Variants in ASTN1 observed in about 807,000 individuals in gnomAD.
The protein encoded by ASTN1 is astrotactin 1.
Under a neutral mutation model 140.7 loss-of-function variants are expected in ASTN1, and 41 were observed. The observed-to-expected ratio is 0.29, with a 90% CI of 0.23 to 0.38. The LOEUF is 0.38. Ranked by LOEUF, ASTN1 falls within the 10% of genes least tolerant of loss-of-function variation. The pLI is 1.00. For synonymous variants in ASTN1, 640 were observed against 652.2 expected, an observed-to-expected ratio of 0.98 and a Z score of 0.29; for missense variants, 1,479 against 1,678.8, an observed-to-expected ratio of 0.88 and a Z score of 2.08.
chr1:177,108,646 C>A (rs1680668418), intron 1 of ASTN1, among the ~76,000 whole-genome samples: 1 of 152,064 alleles, frequency 6.6e-6, no homozygotes, highest in South Asian at 2.1e-4. Flanking sequence ...GTTGCTTCCA[C>A]CTTTTGGTTA....
intron 16 of ASTN1, among the ~76,000 whole-genome samples, chr1:176,916,114 T>A (rs1373165174): frequency 6.6e-6 from 1 of 152,188 alleles, no homozygotes; most frequent in Non-Finnish European, 1.5e-5. Context: ...TGACCCTTTC[T>A]CTTGTGCTAG....
chr1:177,144,323 G>A (rs1268495630), intron 1 of ASTN1, among the ~76,000 whole-genome samples: 1 of 151,086 alleles, frequency 6.6e-6, no homozygotes, highest in African/African-American at 2.4e-5. Context: ...CGCGATCTCG[G>A]CTCACTGCAA....
chr1:176,862,829 T>C lies in ASTN1; in HGVS notation c.*1455A>G. The C allele has an allele frequency of 2.0e-6, 2 of 985,428 alleles. No homozygotes were observed. Among genetic ancestry groups the C allele is most frequent in the Non-Finnish European group, 2.4e-6 (2 of 829,906 alleles). The allele number at this position is 985,428 out of a possible 1,614,324, so 61.0% of individuals were successfully genotyped here. A position where few individuals can be genotyped will look rare whatever the true frequency, so the allele number is the denominator to read the frequency against. On this transcript the variant is annotated 3_prime_UTR_variant, in exon 23 of 23. Transcript: ENST00000361833. ...AATAAATGTTATCTGTCACTACTACTATTTAGAAAAAAAACCAATATAGCT... is the reference window on the plus strand; with the variant it reads ...AATAAATGTTATCTGTCACTACTACCATTTAGAAAAAAAACCAATATAGCT...
Position 177,083,473 on chromosome 1 carries a change from T to C in ASTN1, c.284-22208A>G, listed in dbSNP as rs1571757988. Among the ~76,000 whole-genome samples the C allele has an allele frequency of 2.0e-5, 3 of 152,170 alleles. No homozygotes were observed. In the East Asian group the frequency reaches 5.8e-4, roughly 29 times the overall value. ...AAAAAAAAATGCTTCATCTCATCTTTAAAAATAAAAATGTTGATTTTAGGC... is the reference window on the plus strand; with the variant it reads ...AAAAAAAAATGCTTCATCTCATCTTCAAAAATAAAAATGTTGATTTTAGGC... On this transcript the variant is annotated intron_variant, in intron 1 of 22. Transcript: ENST00000361833.
intron 8 of ASTN1, among the ~76,000 whole-genome samples, chr1:176,970,927 G>T (rs1279168115): frequency 6.6e-6 from 1 of 152,174 alleles, no homozygotes; most frequent in Non-Finnish European, 1.5e-5. Flanking sequence ...TTTGTCCACA[G>T]TTAAATGAAA....
intron 1 of ASTN1, among the ~76,000 whole-genome samples, chr1:177,070,705 T>C (rs965291712): frequency 6.6e-6 from 1 of 152,200 alleles, no homozygotes; most frequent in Non-Finnish European, 1.5e-5. Context: ...AGTTCCAGAA[T>C]AGTCAACCTA....
At chr1:176,900,501 ATT>A (rs1463496644) in intron 16 of ASTN1, among the ~76,000 whole-genome samples, 1 of 151,904 alleles carries the variant, frequency 6.6e-6, no homozygotes, top group Non-Finnish European at 1.5e-5. Flanking sequence ...ATCTTATGAA[ATT>A]TACATTCATT....
At chr1:177,036,134 T>G (rs1477150189) in intron 2 of ASTN1, among the ~76,000 whole-genome samples, 4 of 133,132 alleles carry the variant, frequency 3.0e-5, no homozygotes, top group African/African-American at 1.1e-4. Context: ...CACTGCAACC[T>G]CCACCTCCCA....
At chr1:176,964,607 G>A (rs1205592240) in intron 9 of ASTN1, among the ~76,000 whole-genome samples, 1 of 152,142 alleles carries the variant, frequency 6.6e-6, no homozygotes, top group African/African-American at 2.4e-5. Context: ...AGAAATTTGG[G>A]AGGGAGTAGA....
At chr1:176,858,960 AG>A (rs969947088), downstream of ASTN1, among the ~76,000 whole-genome samples, 5 of 152,214 alleles carry the variant, frequency 3.3e-5, no homozygotes, top group African/African-American at 1.2e-4. Context: ...AAAGATACTG[AG>A]ACTCTGCTTC....
intron 1 of ASTN1, among the ~76,000 whole-genome samples, chr1:177,145,156 G>A (rs1028766599): frequency 2.0e-5 from 3 of 152,138 alleles, no homozygotes; most frequent in Admixed American, 6.5e-5. Context: ...TTTCAGCTCC[G>A]TTCCTCTGGA....
intron 2 of ASTN1, among the ~76,000 whole-genome samples, chr1:177,056,821 C>T (rs1289098001): frequency 6.6e-6 from 1 of 152,146 alleles, no homozygotes; most frequent in Non-Finnish European, 1.5e-5. Context: ...TTTAAATCCA[C>T]ACAGAGTCTG....
intron 1 of ASTN1, among the ~76,000 whole-genome samples, chr1:177,160,864 T>A (rs1460235737): frequency 6.6e-6 from 1 of 152,192 alleles, no homozygotes; most frequent in Non-Finnish European, 1.5e-5. Flanking sequence ...GGGTTTAGGT[T>A]TAGATTACAT....
At chr1:176,887,346 T>G (rs1387697986) in intron 18 of ASTN1, among the ~76,000 whole-genome samples, 1 of 152,180 alleles carries the variant, frequency 6.6e-6, no homozygotes, top group East Asian at 1.9e-4. Flanking sequence ...ATCCTTTGAT[T>G]CTTCTTTGCT....
chr1:176,917,826 G>A lies in ASTN1; in HGVS notation c.2671+16326C>T, dbSNP rs188634888. ...CTGTGTTCTGCAAGGTGCCCTTCAG[G>A]ACTGGGCACAACTCACCACGTGCCT... is the stretch of plus-strand genomic sequence containing the variant. On this transcript the variant is annotated intron_variant, in intron 16 of 22. Coordinates refer to ENST00000361833, the MANE Select transcript of ASTN1 (RefSeq NM_004319.3). Among the ~76,000 whole-genome samples the A allele has an allele frequency of 4.2e-4, 64 of 152,282 alleles. 1 individual carries two copies. The East Asian group carries it at 0.012, about 29-fold the overall frequency.
chr1:177,064,698 G>A (rs1678264844), intron 1 of ASTN1, among the ~76,000 whole-genome samples: 1 of 152,218 alleles, frequency 6.6e-6, no homozygotes, highest in South Asian at 2.1e-4. Context: ...GGCAAAGGAT[G>A]GAAGGAAGAG....
In ASTN1 at chr1:176,978,569, G is replaced by A. The variant is rs908191736; in HGVS notation, c.1524-13332C>T. Among the ~76,000 whole-genome samples the A allele has an allele frequency of 3.9e-5, 6 of 152,162 alleles. 1 individual carries two copies. Among genetic ancestry groups the A allele is most frequent in the African/African-American group, 1.4e-4 (6 of 41,432 alleles). Reference sequence around the variant, plus strand: ...CAGAGTTTTGAGCTAGAAGGACTAGGAGAATGATTTTGCCATGAATAGAAA... The same window carrying A: ...CAGAGTTTTGAGCTAGAAGGACTAGAAGAATGATTTTGCCATGAATAGAAA... On this transcript the variant is annotated intron_variant, in intron 8 of 22. Coordinates refer to ENST00000361833, the MANE Select transcript of ASTN1 (RefSeq NM_004319.3).
chr1:176,951,134 A>C (rs771841527), intron 11 of ASTN1, among the ~76,000 whole-genome samples: 1 of 152,216 alleles, frequency 6.6e-6, no homozygotes, highest in Admixed American at 6.5e-5. Context: ...CCATGAAGGC[A>C]GCTGGAGTGC....
chr1:177,007,574 T>C (rs145270352), intron 8 of ASTN1, among the ~76,000 whole-genome samples: 1 of 152,314 alleles, frequency 6.6e-6, no homozygotes, highest in East Asian at 1.9e-4. Context: ...GAAACATCTG[T>C]GGGAGCTTGT....
Sources: gnomAD v4.1 joint callset for allele counts (sites outside exome capture counted in the v4.1 genomes callset) on GRCh38, gnomAD v4.1.1 for gene constraint, MANE v1.5 for transcripts, NCBI Gene and HGNC (gene_info 2026-07-23, HGNC 2026-07-21) for gene names.